The following PTPRF variants were observed in gnomAD, a reference collection of about 807,000 sequenced individuals.
PTPRF encodes the protein protein tyrosine phosphatase receptor type F, also known as receptor-type tyrosine-protein phosphatase F.
Under a neutral mutation model 201.8 loss-of-function variants are expected in PTPRF, and 59 were observed. That is an observed-to-expected ratio of 0.29 (90% CI 0.24 to 0.36). PTPRF has a LOEUF of 0.36. PTPRF is among the 10% of genes least tolerant of loss of function. PTPRF has a pLI of 1.00. For missense variants in PTPRF, 2,132 were observed against 2,690.5 expected (o/e 0.79, Z 4.59); for synonymous variants, 1,088 against 1,089.7 (o/e 1.00, Z 0.03).
chr1:43,608,987 C>T (rs770340223), intron 21 of PTPRF, among the ~76,000 whole-genome samples: 1 of 152,148 alleles, frequency 6.6e-6, no homozygotes, highest in Non-Finnish European at 1.5e-5. Flanking sequence ...GGCCCTGTCT[C>T]CTGTGCTGTT....
rs758327132 is a variant in PTPRF, at chr1:43,553,885, C to T, written c.323C>T (p.Thr108Ile). The T allele has an allele frequency of 6.2e-7, 1 of 1,613,064 alleles. No homozygotes were observed. Among genetic ancestry groups the T allele is most frequent in the Non-Finnish European group, 8.5e-7 (1 of 1,179,700 alleles). ...VQRDEAIYECTATNSLGEINT... is the reference protein window; with the variant it reads ...VQRDEAIYECIATNSLGEINT... ...CGAGATGAAGCCATCTATGAGTGTA[C>T]AGCTACTAACAGCCTGGGTGAGATC... is the stretch of plus-strand genomic sequence containing the variant. The change falls in exon 5 of 34, where the codon ACA becomes ATA. Residue 108 changes from threonine (T) to isoleucine (I), a missense_variant. Physicochemically the swap from Thr to Ile is moderately conservative, Grantham distance 89 (BLOSUM62 -1). Transcript: ENST00000359947. The surrounding 1 kb of genome is among the most constrained non-coding windows in gnomAD (Gnocchi z 4.1).
At chr1:43,563,982 G>C (rs1450105405) in intron 5 of PTPRF, among the ~76,000 whole-genome samples, 1 of 152,192 alleles carries the variant, frequency 6.6e-6, no homozygotes, top group African/African-American at 2.4e-5. Flanking sequence ...CCCGAGGAAG[G>C]AGGGGATGAC....
At chr1:43,620,715 CCT>C in intron 31 of PTPRF, 121 bp from the exon 32 acceptor site, 11 of 1,522,352 alleles carry the variant, frequency 7.2e-6, no homozygotes, top group Non-Finnish European at 9.8e-6. Flanking sequence ...CACATCTCCC[CCT>C]GTGGCCTCGG....
At chr1:43,551,572 A>G (rs1372065197) in intron 3 of PTPRF, among the ~76,000 whole-genome samples, 1 of 152,168 alleles carries the variant, frequency 6.6e-6, no homozygotes, top group Non-Finnish European at 1.5e-5. Flanking sequence ...GTCTCCCTCC[A>G]GGGAAGGCCG....
At chr1:43,551,750 C>A (rs899251940) in intron 3 of PTPRF, among the ~76,000 whole-genome samples, 1 of 152,182 alleles carries the variant, frequency 6.6e-6, no homozygotes, top group South Asian at 2.1e-4. Flanking sequence ...AATGCTGGTA[C>A]GAGTGACAGC....
At chr1:43,613,360 C>A (rs564732449) in intron 22 of PTPRF, 147 of 445,922 alleles carry the variant, frequency 3.3e-4, no homozygotes, top group South Asian at 9.0e-4. Flanking sequence ...GAGAGACCTG[C>A]CAGGCAGGGC....
At chr1:43,607,135 G>A (rs1055221086) in intron 21 of PTPRF, among the ~76,000 whole-genome samples, 167 bp downstream of exon 21, 1 of 152,244 alleles carries the variant, frequency 6.6e-6, no homozygotes, top group African/African-American at 2.4e-5. Context: ...GCCTACCTGT[G>A]TCTGCAGGCC....
chr1:43,588,137 G>T lies in PTPRF; in HGVS notation c.680-594G>T, dbSNP rs1649647661. Among the ~76,000 whole-genome samples, 1 of 152,184 alleles carries T rather than the reference G, an allele frequency of 6.6e-6. No homozygotes were observed. Among genetic ancestry groups the T allele is most frequent in the African/African-American group, 2.4e-5 (1 of 41,456 alleles). ...GCCCTTTTGCTTGGGTTCCCAGGTT[G>T]TGCCCTGAGCATGGCTGAGACCCTG... On this transcript the variant is annotated intron_variant, in intron 7 of 33. Coordinates refer to ENST00000359947, the MANE Select transcript of PTPRF (RefSeq NM_002840.5). The surrounding 1 kb of genome is among the most constrained non-coding windows in gnomAD (Gnocchi z 5.3).
At chr1:43,548,527 T>G (rs1367369513) in intron 3 of PTPRF, among the ~76,000 whole-genome samples, 1 of 152,128 alleles carries the variant, frequency 6.6e-6, no homozygotes, top group Non-Finnish European at 1.5e-5. Flanking sequence ...CGTTGCTTTC[T>G]CTCTCTGGGC....
chr1:43,529,412 C>A (rs1643265847), upstream of PTPRF, among the ~76,000 whole-genome samples: 1 of 152,216 alleles, frequency 6.6e-6, no homozygotes, highest in African/African-American at 2.4e-5. Flanking sequence ...ACCACAGCAA[C>A]CATGCCCTGC....
chr1:43,554,450 A>C lies in PTPRF; in HGVS notation c.379+509A>C, dbSNP rs1645222337. On this transcript the variant is annotated intron_variant, in intron 5 of 33. Transcript: ENST00000359947. This position sits in a 1 kb window ranked among gnomAD's most constrained non-coding sequence, Gnocchi z 4.1. Reference sequence around the variant, plus strand: ...TGGACCACCTTGAAGTCCTCTGAGCACCGAGGAGGAGGAAGCTGTGTCTAA... The same window carrying C: ...TGGACCACCTTGAAGTCCTCTGAGCCCCGAGGAGGAGGAAGCTGTGTCTAA... 2.0e-5 allele frequency among the ~76,000 whole-genome samples: 3 copies of C among 152,260 alleles called. No homozygotes were observed. In the South Asian group the frequency reaches 6.2e-4, roughly 32 times the overall value.
At chr1:43,597,659 G>C (rs1210404494) in intron 11 of PTPRF, 89 bp from the exon 12 acceptor site, 4 of 989,414 alleles carry the variant, frequency 4.0e-6, no homozygotes, top group Admixed American at 4.3e-5. Flanking sequence ...AGCCTGCCCG[G>C]GTGAGTCTCC....
chr1:43,593,288 C>T (rs1248696876), intron 11 of PTPRF, among the ~76,000 whole-genome samples: 3 of 152,156 alleles, frequency 2.0e-5, no homozygotes, highest in African/African-American at 7.2e-5. Context: ...CACACCTGAC[C>T]AGCTGGCTGT....
At chr1:43,555,167 T>C (rs1017140762) in intron 5 of PTPRF, among the ~76,000 whole-genome samples, 2 of 152,124 alleles carry the variant, frequency 1.3e-5, no homozygotes, top group African/African-American at 4.8e-5. Flanking sequence ...GTTGCTTTCT[T>C]TTTAAGAATG....
intron 21 of PTPRF, 44 bp downstream of exon 21, chr1:43,607,012 C>G: frequency 6.2e-7 from 1 of 1,603,054 alleles, no homozygotes. Context: ...ACCTGCCCCT[C>G]GCCTTTCAGG....
chr1:43,588,205 A>G lies in PTPRF; in HGVS notation c.680-526A>G, dbSNP rs1276270127. On this transcript the variant is annotated intron_variant, in intron 7 of 33. Transcript: ENST00000359947. This position sits in a 1 kb window ranked among gnomAD's most constrained non-coding sequence, Gnocchi z 5.3. ...TTGCCTTATTTCTTCCCCTCAGGCC[A>G]TGGCCTGGAGGTGGAGGCAGTGACT... is the stretch of plus-strand genomic sequence containing the variant. 6.6e-6 allele frequency among the ~76,000 whole-genome samples: 1 copy of G among 152,082 alleles called. No homozygotes were observed. The highest frequency in any genetic ancestry group is 6.5e-5 in the Admixed American group (1 of 15,276).
In PTPRF at chr1:43,591,086, G is replaced by A. The variant is rs540408475; in HGVS notation, c.1064G>A (p.Arg355His). The A allele has an allele frequency of 3.5e-5, 56 of 1,613,920 alleles. No homozygotes were observed. In the South Asian group the frequency reaches 4.9e-4, roughly 14 times the overall value. ...GTAACCTACTATGGCATCCAGTACC[G>A]CGCAGCGGGCACGGAGGGCCCCTTT... ...EPVTYYGIQYRAAGTEGPFQE... is the reference protein window; with the variant it reads ...EPVTYYGIQYHAAGTEGPFQE... The change falls in exon 9 of 34, where the codon CGC (arginine) becomes CAC (histidine). Residue 355 changes from arginine to histidine, a missense_variant. This residue lies in a region of PTPRF where 351 missense variants were observed against 401.7 expected (regional missense o/e 0.87). Coordinates refer to ENST00000359947, the MANE Select transcript of PTPRF (RefSeq NM_002840.5).
At chr1:43,556,451 G>A (rs939144443) in intron 5 of PTPRF, among the ~76,000 whole-genome samples, 2 of 152,150 alleles carry the variant, frequency 1.3e-5, no homozygotes, top group Non-Finnish European at 2.9e-5. Flanking sequence ...TAGTAGAGAC[G>A]GGGTTTCACC....
chr1:43,584,932 C>T lies in PTPRF; in HGVS notation c.680-3799C>T, dbSNP rs113152281. 6.8e-3 allele frequency among the ~76,000 whole-genome samples: 1,036 copies of T among 152,278 alleles called. 15 individuals are homozygous for T. Among genetic ancestry groups the T allele is most frequent in the African/African-American group, 0.023 (951 of 41,552 alleles). On this transcript the variant is annotated intron_variant, in intron 7 of 33. Coordinates refer to ENST00000359947, the MANE Select transcript of PTPRF (RefSeq NM_002840.5). The stretch of plus-strand genomic sequence containing the variant: ...ACTGAATGCTGATGCCTCTGGGCGC[C>T]GCACCGCCCTATTATAGGGGGTTGT...
Sources: allele counts gnomAD v4.1 joint callset (sites outside exome capture counted in the v4.1 genomes callset), GRCh38; gene constraint gnomAD v4.1.1; regional missense constraint gnomAD v4.1.1; non-coding constraint Gnocchi (gnomAD v3.1); transcripts MANE v1.5; gene names NCBI Gene and HGNC (gene_info 2026-07-23, HGNC 2026-07-21).